Variants in PACSIN1 observed in about 807,000 individuals in gnomAD.
PACSIN1 encodes protein kinase C and casein kinase substrate in neurons protein 1.
PACSIN1 carries 15 observed loss-of-function variants against 59.5 expected under a neutral mutation model. That is an observed-to-expected ratio of 0.25 (90% confidence interval 0.17 to 0.39). The LOEUF is 0.39. PACSIN1 is among the 10% of genes least tolerant of loss of function. PACSIN1 has a pLI of 1.00. For missense variants in PACSIN1, 420 were observed against 580.2 expected, an observed-to-expected ratio of 0.72 and a Z score of 2.84; for synonymous variants, 210 against 220.6, an observed-to-expected ratio of 0.95 and a Z score of 0.42.
At chr6:34,508,878 T>C (rs183845222) in intron 1 of PACSIN1, among the ~76,000 whole-genome samples, 3 of 152,320 alleles carry the variant, frequency 2.0e-5, no homozygotes, top group Admixed American at 2.0e-4. Context: ...TTTTAAGCTA[T>C]CCAGTTATAG....
chr6:34,490,226 C>CTTTTTTTTTTT (rs56754772), intron 1 of PACSIN1, among the ~76,000 whole-genome samples: 2 of 102,716 alleles, frequency 1.9e-5, no homozygotes, highest in Non-Finnish European at 1.9e-5. Flanking sequence ...AATTTAAAAA[C>CTTTTTTTTTTT]TTTTTTTTTT....
intron 1 of PACSIN1, among the ~76,000 whole-genome samples, chr6:34,483,220 G>A (rs1766746144): frequency 6.6e-6 from 1 of 151,736 alleles, no homozygotes; most frequent in Admixed American, 6.6e-5. Flanking sequence ...TATCTAGGCT[G>A]ATCTTGAACT....
intron 1 of PACSIN1, among the ~76,000 whole-genome samples, chr6:34,497,644 C>T (rs1324257142): frequency 6.6e-6 from 1 of 152,226 alleles, no homozygotes; most frequent in Non-Finnish European, 1.5e-5. Context: ...CACTGTCCAT[C>T]ACTCTGTTGC....
At chr6:34,513,545 C>T (rs531129120) in intron 1 of PACSIN1, among the ~76,000 whole-genome samples, 76 of 152,268 alleles carry the variant, frequency 5.0e-4, no homozygotes, top group Non-Finnish European at 8.2e-4. Flanking sequence ...CACTGTCCCT[C>T]CTGGGGGTGG....
rs751079090 is a variant in PACSIN1, at chr6:34,531,427, C to A, written c.1038-173C>A. Among the ~76,000 whole-genome samples, 3 of 152,180 alleles carry A rather than the reference C, an allele frequency of 2.0e-5. No individual in the cohort carries two copies. The highest frequency in any genetic ancestry group is 4.4e-5 in the Non-Finnish European group (3 of 68,038). On this transcript the variant is annotated intron_variant, in intron 8 of 9. Transcript: ENST00000244458. The surrounding 1 kb of genome is among the most constrained non-coding windows in gnomAD (Gnocchi z 4.4). Reference sequence around the variant, plus strand: ...AGGGCTGAATAATAACGCAAATGGTCCTGCATTTAAACATCGGTTTAAAGA... The same window carrying A: ...AGGGCTGAATAATAACGCAAATGGTACTGCATTTAAACATCGGTTTAAAGA...
rs1767286315 is a variant in PACSIN1, at chr6:34,516,060, T to C, written c.-63-10183T>C. Among the ~76,000 whole-genome samples, 2 of 152,110 alleles carry C rather than the reference T, an allele frequency of 1.3e-5. No individual in the cohort carries two copies. The highest frequency in any genetic ancestry group is 4.8e-5 in the African/African-American group (2 of 41,412). ...GTGGCATAGGGAGGAGATGCTAGCC[T>C]GCAAGGGGCAGAAGGTTGATGTGTG... is the stretch of plus-strand genomic sequence containing the variant. On this transcript the variant is annotated intron_variant, in intron 1 of 9. Transcript: ENST00000244458. This position sits in a 1 kb window ranked among gnomAD's most constrained non-coding sequence, Gnocchi z 5.4.
At chr6:34,478,475 T>G (rs1238867867) in intron 1 of PACSIN1, among the ~76,000 whole-genome samples, 2 of 146,140 alleles carry the variant, frequency 1.4e-5, no homozygotes, top group African/African-American at 5.1e-5. Flanking sequence ...TGGGTTCAAG[T>G]GATTCTCCTG....
chr6:34,492,423 G>T (rs904203281), intron 1 of PACSIN1, among the ~76,000 whole-genome samples: 1 of 150,798 alleles, frequency 6.6e-6, no homozygotes, highest in Non-Finnish European at 1.5e-5. Context: ...CGCTCTTGTT[G>T]CCCAGGCTGG....
intron 1 of PACSIN1, among the ~76,000 whole-genome samples, chr6:34,493,599 AC>A (rs898342097): frequency 2.6e-5 from 4 of 152,156 alleles, no homozygotes; most frequent in Admixed American, 2.0e-4. Flanking sequence ...CATTTTAGCC[AC>A]CCTGATGGTC....
intron 1 of PACSIN1, among the ~76,000 whole-genome samples, chr6:34,486,150 G>A (rs1766790539): frequency 6.6e-6 from 1 of 152,090 alleles, no homozygotes; most frequent in South Asian, 2.1e-4. Flanking sequence ...GCCCAGACTA[G>A]GGGGTGAGGG....
intron 1 of PACSIN1, among the ~76,000 whole-genome samples, chr6:34,500,879 C>T (rs1469486067): frequency 6.6e-6 from 1 of 152,216 alleles, no homozygotes; most frequent in Non-Finnish European, 1.5e-5. Flanking sequence ...GTGCACTTTG[C>T]TGTTATGGAA....
intron 2 of PACSIN1, 77 bp downstream of exon 2, chr6:34,526,445 C>A: frequency 1.6e-6 from 2 of 1,229,618 alleles, no homozygotes; most frequent in Non-Finnish European, 1.2e-6. Context: ...TATCACTCAC[C>A]CCATGACCTC....
chr6:34,502,497 G>C (rs893617502), intron 1 of PACSIN1, among the ~76,000 whole-genome samples: 1 of 133,246 alleles, frequency 7.5e-6, no homozygotes, highest in Non-Finnish European at 1.5e-5. Flanking sequence ...ACGGAGTCTG[G>C]CTCTGTGGCC....
chr6:34,506,409 C>T (rs986961451), intron 1 of PACSIN1, among the ~76,000 whole-genome samples: 3 of 151,648 alleles, frequency 2.0e-5, no homozygotes. Context: ...GAGACAGGGT[C>T]TCACTATATT....
At chr6:34,470,469 G>A (rs1459941819) in intron 1 of PACSIN1, among the ~76,000 whole-genome samples, 1 of 151,944 alleles carries the variant, frequency 6.6e-6, no homozygotes, top group Non-Finnish European at 1.5e-5. Flanking sequence ...GTGAGCCACC[G>A]CACCTGGCCT....
intron 1 of PACSIN1, among the ~76,000 whole-genome samples, chr6:34,505,734 A>G (rs1767103117): frequency 1.3e-5 from 2 of 150,700 alleles, no homozygotes; most frequent in South Asian, 4.2e-4. Flanking sequence ...GCCTGGTTCA[A>G]GCGATTTTGT....
intron 1 of PACSIN1, among the ~76,000 whole-genome samples, chr6:34,495,453 CTT>C (rs869095931): frequency 2.7e-4 from 38 of 142,308 alleles, no homozygotes; most frequent in African/African-American, 6.1e-4. Flanking sequence ...CAGGAATATC[CTT>C]TTTTTTTTTT....
At chr6:34,511,290 C>G (rs555407981) in intron 1 of PACSIN1, among the ~76,000 whole-genome samples, 1 of 152,320 alleles carries the variant, frequency 6.6e-6, no homozygotes, top group South Asian at 2.1e-4. Context: ...GAGTCTCACA[C>G]TCTGATCACC....
intron 1 of PACSIN1, among the ~76,000 whole-genome samples, chr6:34,513,264 G>C (rs1767233908): frequency 6.6e-6 from 1 of 152,210 alleles, no homozygotes; most frequent in Non-Finnish European, 1.5e-5. Flanking sequence ...TTGTGATTGA[G>C]AGGGGTCTTG....
Sources: gnomAD v4.1 joint callset for allele counts (sites outside exome capture counted in the v4.1 genomes callset) on GRCh38, gnomAD v4.1.1 for gene constraint, Gnocchi (gnomAD v3.1) non-coding constraint, MANE v1.5 for transcripts, NCBI Gene and HGNC (gene_info 2026-07-23, HGNC 2026-07-21) for gene names.